The following UBE3D variants were observed in gnomAD, a reference collection of about 807,000 sequenced individuals.
UBE3D encodes the protein E3 ubiquitin-protein ligase E3D.
In UBE3D, 48 loss-of-function variants were observed where a neutral mutation model predicts 49.6. The observed-to-expected ratio is 0.97, with a 90% CI of 0.77 to 1.23. UBE3D has a LOEUF of 1.23. UBE3D is among the 50% of genes most tolerant of loss of function. The pLI is 0.00. For missense variants in UBE3D, 452 were observed against 468.4 expected, an observed-to-expected ratio of 0.96 and a Z score of 0.32; for synonymous variants, 189 against 174.2, an observed-to-expected ratio of 1.08 and a Z score of -0.67.
At chr6:83,004,986 T>C (rs1465203816) in intron 8 of UBE3D, among the ~76,000 whole-genome samples, 3 of 152,016 alleles carry the variant, frequency 2.0e-5, no homozygotes, top group African/African-American at 4.8e-5. Context: ...AATAGAGAAA[T>C]GGGACTATCT....
chr6:82,980,488 G>A (rs983342266), intron 8 of UBE3D, among the ~76,000 whole-genome samples: 2 of 152,012 alleles, frequency 1.3e-5, no homozygotes, highest in African/African-American at 2.4e-5. Flanking sequence ...TCCTCTGTCA[G>A]TTGTATATTT....
At chr6:83,039,875 C>T (rs1397166026) in intron 4 of UBE3D, among the ~76,000 whole-genome samples, 1 of 151,952 alleles carries the variant, frequency 6.6e-6, no homozygotes, top group East Asian at 1.9e-4. Flanking sequence ...CTCCTGACCT[C>T]GTGATCCACC....
intron 8 of UBE3D, among the ~76,000 whole-genome samples, chr6:82,963,919 T>C (rs1562128285): frequency 6.6e-6 from 1 of 152,220 alleles, no homozygotes; most frequent in Non-Finnish European, 1.5e-5. Context: ...CATCACAGAC[T>C]ATTGGACCTA....
chr6:82,887,404 T>TTTTGTTTTG (rs1770906996), downstream of UBE3D, among the ~76,000 whole-genome samples: 1 of 140,944 alleles, frequency 7.1e-6, no homozygotes, highest in African/African-American at 2.7e-5. Context: ...TTTTTTTTTT[T>TTTTGTTTTG]TTTTTTTTCA....
At chr6:82,993,618 T>C (rs1338231032) in intron 8 of UBE3D, among the ~76,000 whole-genome samples, 1 of 152,216 alleles carries the variant, frequency 6.6e-6, no homozygotes, top group Non-Finnish European at 1.5e-5. Flanking sequence ...GTATTGCTTT[T>C]TGAATTTTGT....
chr6:82,963,190 C>CTT (rs5877828), intron 8 of UBE3D, among the ~76,000 whole-genome samples: 1,481 of 123,062 alleles, frequency 0.012, 24 homozygotes, highest in African/African-American at 0.04. Context: ...AAGTTTTCAT[C>CTT]TTTTTTTTTT....
chr6:83,065,157 G>A (rs1450967584), intron 1 of UBE3D, among the ~76,000 whole-genome samples: 1 of 152,188 alleles, frequency 6.6e-6, no homozygotes, highest in Non-Finnish European at 1.5e-5. Context: ...GAATGATTGT[G>A]TGGTTTCTCT....
chr6:83,048,522 A>G (rs1278240590), intron 3 of UBE3D, among the ~76,000 whole-genome samples: 3 of 152,228 alleles, frequency 2.0e-5, no homozygotes, highest in Admixed American at 1.3e-4. Context: ...AACCCCCTAC[A>G]TGATCAGGGA....
chr6:82,964,203 G>T (rs1464223590), intron 8 of UBE3D, among the ~76,000 whole-genome samples: 1 of 151,970 alleles, frequency 6.6e-6, no homozygotes, highest in Admixed American at 6.6e-5. Context: ...TTGAGAAAGG[G>T]AAAAAAGTCA....
intron 8 of UBE3D, among the ~76,000 whole-genome samples, chr6:82,992,681 G>A (rs552288119): frequency 1.3e-5 from 2 of 152,248 alleles, no homozygotes; most frequent in South Asian, 4.2e-4. Flanking sequence ...CCCTGGCTGT[G>A]TGTGTATACT....
At chr6:82,953,469 G>A (rs1355567821) in intron 9 of UBE3D, among the ~76,000 whole-genome samples, 1 of 152,164 alleles carries the variant, frequency 6.6e-6, no homozygotes, top group Non-Finnish European at 1.5e-5. Context: ...CTTATCTGTT[G>A]AGTCTAGCAC....
At chr6:82,957,165 G>T in intron 9 of UBE3D, 147 bp downstream of exon 9, 1 of 800,796 alleles carries the variant, frequency 1.2e-6, no homozygotes, top group Non-Finnish European at 1.9e-6. Flanking sequence ...ACAAAAAACA[G>T]ATAGACAAAG....
At chr6:82,940,289 G>T (rs1290950030) in intron 9 of UBE3D, among the ~76,000 whole-genome samples, 1 of 152,114 alleles carries the variant, frequency 6.6e-6, no homozygotes, top group African/African-American at 2.4e-5. Flanking sequence ...ACACCCTGCA[G>T]GGCAAAAAGG....
intron 8 of UBE3D, among the ~76,000 whole-genome samples, chr6:83,007,649 T>C (rs952961614): frequency 1.3e-5 from 2 of 152,208 alleles, no homozygotes; most frequent in African/African-American, 4.8e-5. Context: ...TTATATTTAA[T>C]AGAAATTTTG....
At chr6:83,028,234 TATTTG>T (rs1781620892) in intron 5 of UBE3D, among the ~76,000 whole-genome samples, 1 of 152,214 alleles carries the variant, frequency 6.6e-6, no homozygotes, top group Non-Finnish European at 1.5e-5. Context: ...ATAAGAAGTC[TATTTG>T]ATTTAATTCT....
intron 8 of UBE3D, among the ~76,000 whole-genome samples, chr6:82,973,033 G>A (rs985572246): frequency 6.6e-6 from 1 of 152,062 alleles, no homozygotes; most frequent in South Asian, 2.1e-4. Context: ...TTCTACCACA[G>A]GTAAAAGCTT....
intron 9 of UBE3D, among the ~76,000 whole-genome samples, chr6:82,908,384 G>A (rs1772256823): frequency 6.6e-6 from 1 of 152,096 alleles, no homozygotes; most frequent in South Asian, 2.1e-4. Flanking sequence ...GGGATGAACA[G>A]GACAGCTCTC....
At chr6:82,941,181 G>C (rs1161966473) in intron 9 of UBE3D, among the ~76,000 whole-genome samples, 1 of 152,020 alleles carries the variant, frequency 6.6e-6, no homozygotes, top group Non-Finnish European at 1.5e-5. Flanking sequence ...ACTCTATCCT[G>C]GGTGACAGAG....
chr6:82,898,323 A>G (rs537009956), intron 9 of UBE3D, among the ~76,000 whole-genome samples: 80 of 152,326 alleles, frequency 5.3e-4, no homozygotes, highest in African/African-American at 1.9e-3. Context: ...CAATCCCATT[A>G]CTGGGTATAT....
Sources: allele counts gnomAD v4.1 joint callset (sites outside exome capture counted in the v4.1 genomes callset), GRCh38; gene constraint gnomAD v4.1.1; transcripts MANE v1.5; gene names NCBI Gene and HGNC (gene_info 2026-07-23, HGNC 2026-07-21).